The following GRM7 variants were observed in gnomAD, a reference collection of about 807,000 sequenced individuals.
GRM7 encodes metabotropic glutamate receptor 7.
Under a neutral mutation model 84.5 loss-of-function variants are expected in GRM7, and 35 were observed. The observed-to-expected ratio is 0.41, with a 90% CI of 0.32 to 0.55. The LOEUF (loss-of-function observed/expected upper bound fraction) is 0.55, where lower values mean the gene tolerates loss of function less well. Ranked by LOEUF, GRM7 falls within the 20% of genes least tolerant of loss-of-function variation. The pLI is 0.19. For synonymous variants in GRM7, 487 were observed against 455.1 expected, an observed-to-expected ratio of 1.07 and a Z score of -0.89; for missense variants, 1,003 against 1,194.6, an observed-to-expected ratio of 0.84 and a Z score of 2.36.
At chr3:7,273,805 G>T (rs12494761) in intron 2 of GRM7, among the ~76,000 whole-genome samples, 50,847 of 151,706 alleles carry the variant, frequency 0.34, 10,354 homozygotes, top group Admixed American at 0.49. Flanking sequence ...TCTTGTTTTT[G>T]ATCCATTCTG....
chr3:7,491,601 A>C (rs1381142051), intron 7 of GRM7, among the ~76,000 whole-genome samples: 1 of 152,126 alleles, frequency 6.6e-6, no homozygotes. Flanking sequence ...GGGCCTCTTA[A>C]ACTCTACATG....
intron 2 of GRM7, among the ~76,000 whole-genome samples, chr3:7,259,417 C>G (rs546910319): frequency 6.6e-6 from 1 of 151,822 alleles, no homozygotes; most frequent in Non-Finnish European, 1.5e-5. Context: ...TATTTTTTTT[C>G]TGATTCTTTT....
chr3:7,155,428 T>C (rs1694417616), intron 2 of GRM7, among the ~76,000 whole-genome samples: 1 of 151,962 alleles, frequency 6.6e-6, no homozygotes, highest in Non-Finnish European at 1.5e-5. Flanking sequence ...GCTTTAACTG[T>C]GCCCACACAC....
intron 2 of GRM7, among the ~76,000 whole-genome samples, chr3:7,183,856 C>T (rs1695426796): frequency 6.6e-6 from 1 of 151,822 alleles, no homozygotes; most frequent in South Asian, 2.1e-4. Context: ...TAAAATAAAT[C>T]AGTATGAAAA....
chr3:7,247,541 A>G (rs1697813222), intron 2 of GRM7, among the ~76,000 whole-genome samples: 1 of 150,858 alleles, frequency 6.6e-6, no homozygotes, highest in South Asian at 2.1e-4. Context: ...TAAGGCTGCA[A>G]TGAGCTATGA....
At chr3:7,692,506 G>T (rs1700845392) in intron 9 of GRM7, among the ~76,000 whole-genome samples, 1 of 151,996 alleles carries the variant, frequency 6.6e-6, no homozygotes, top group African/African-American at 2.4e-5. Context: ...ATTAAATATG[G>T]GACCACCCTG....
intron 2 of GRM7, among the ~76,000 whole-genome samples, chr3:7,189,706 A>C (rs1695643665): frequency 6.6e-6 from 1 of 152,186 alleles, no homozygotes; most frequent in South Asian, 2.1e-4. Context: ...TAAATTTAAA[A>C]TATGTACCTA....
intron 1 of GRM7, among the ~76,000 whole-genome samples, chr3:6,945,794 T>G (rs1218825643): frequency 2.0e-5 from 3 of 152,222 alleles, no homozygotes; most frequent in Non-Finnish European, 4.4e-5. Context: ...GGTTTTGATT[T>G]GCATTTCTCT....
intron 2 of GRM7, among the ~76,000 whole-genome samples, chr3:7,293,057 C>A (rs1699692309): frequency 6.8e-6 from 1 of 146,760 alleles, no homozygotes; most frequent in South Asian, 2.1e-4. Flanking sequence ...AAAAATTGAG[C>A]TTTTCTTATA....
intron 8 of GRM7, among the ~76,000 whole-genome samples, chr3:7,660,209 C>T (rs1463315565): frequency 1.4e-4 from 22 of 152,128 alleles, no homozygotes; most frequent in Non-Finnish European, 1.5e-5. Context: ...GCAGTCACCG[C>T]TTTAACCACA....
intron 9 of GRM7, among the ~76,000 whole-genome samples, chr3:7,729,055 TTTTTC>T (rs148884661): frequency 0.27 from 22,348 of 84,198 alleles, 2,770 homozygotes; most frequent in African/African-American, 0.43. Context: ...TTTTTTTTTT[TTTTTC>T]CCCATAGTTT....
intron 2 of GRM7, among the ~76,000 whole-genome samples, chr3:7,225,091 T>C (rs147621610): frequency 1.3e-5 from 2 of 152,114 alleles, no homozygotes; most frequent in African/African-American, 4.8e-5. Flanking sequence ...TTTTGATTGT[T>C]TACTCTCTTT....
intron 1 of GRM7, among the ~76,000 whole-genome samples, chr3:7,055,967 G>T (rs895231674): frequency 1.3e-5 from 2 of 151,968 alleles, no homozygotes; most frequent in African/African-American, 4.8e-5. Context: ...AGGATATGGG[G>T]ACATGGGAAG....
chr3:7,330,232 A>G (rs17652614), intron 4 of GRM7, among the ~76,000 whole-genome samples: 73,356 of 151,870 alleles, frequency 0.48, 17,952 homozygotes, highest in African/African-American at 0.55. Flanking sequence ...TTAGCAGCAC[A>G]GACATGTTCA....
intron 9 of GRM7, among the ~76,000 whole-genome samples, chr3:7,706,751 C>T (rs1376027467): frequency 2.0e-5 from 3 of 152,204 alleles, no homozygotes; most frequent in Admixed American, 6.5e-5. Context: ...ATTATGTTTG[C>T]ATGACTGATT....
At chr3:7,082,634 A>G (rs1480207383) in intron 1 of GRM7, among the ~76,000 whole-genome samples, 1 of 152,110 alleles carries the variant, frequency 6.6e-6, no homozygotes, top group East Asian at 1.9e-4. Context: ...GCTTCCTTCA[A>G]TGGATCTAGG....
intron 2 of GRM7, among the ~76,000 whole-genome samples, chr3:7,177,647 G>A (rs1332751006): frequency 6.7e-6 from 1 of 150,076 alleles, no homozygotes; most frequent in African/African-American, 2.5e-5. Flanking sequence ...TAGAAAGAAG[G>A]GAATGAAATG....
At chr3:7,695,170 T>G (rs898517079) in intron 9 of GRM7, among the ~76,000 whole-genome samples, 34 of 152,282 alleles carry the variant, frequency 2.2e-4, no homozygotes, top group African/African-American at 8.2e-4. Context: ...TATGTCAAGG[T>G]CCTCTCTCAA....
intron 4 of GRM7, among the ~76,000 whole-genome samples, chr3:7,329,808 G>A (rs1446933280): frequency 6.6e-6 from 1 of 152,020 alleles, no homozygotes; most frequent in Non-Finnish European, 1.5e-5. Context: ...ATGGATGTAT[G>A]TATACTTAGA....
Sources: gnomAD v4.1 joint callset for allele counts (sites outside exome capture counted in the v4.1 genomes callset) on GRCh38, gnomAD v4.1.1 for gene constraint, MANE v1.5 for transcripts, NCBI Gene and HGNC (gene_info 2026-07-23, HGNC 2026-07-21) for gene names.